The following TXNRD1 variants were observed in gnomAD, a reference collection of about 807,000 sequenced individuals.
The protein encoded by TXNRD1 is thioredoxin reductase 1, cytoplasmic.
Under a neutral mutation model 80.3 loss-of-function variants are expected in TXNRD1, and 57 were observed. That is an observed-to-expected ratio of 0.71 (90% CI 0.57 to 0.89). The LOEUF (loss-of-function observed/expected upper bound fraction) is 0.89, where lower values mean the gene tolerates loss of function less well. Among genes scored for constraint, TXNRD1 ranks in the 40% least tolerant of loss-of-function variants. The pLI is 0.00. For synonymous variants in TXNRD1, 291 were observed against 285.2 expected (o/e 1.02, Z -0.20); for missense variants, 730 against 803.0 (o/e 0.91, Z 1.10).
At chr12:104,249,658 A>G (rs942603269) in intron 1 of TXNRD1, among the ~76,000 whole-genome samples, 1 of 152,140 alleles carries the variant, frequency 6.6e-6, no homozygotes, top group Admixed American at 6.6e-5. Context: ...AAAGCTTGCC[A>G]GGCGCGGTGG....
intron 11 of TXNRD1, among the ~76,000 whole-genome samples, 172 bp from the exon 12 acceptor site, chr12:104,326,175 T>G (rs1210145379): frequency 6.6e-6 from 1 of 152,212 alleles, no homozygotes; most frequent in Non-Finnish European, 1.5e-5. Context: ...AAAGGATTTT[T>G]TTCTGAAGAT....
chr12:104,297,594 A>C (rs1039946777), intron 4 of TXNRD1, among the ~76,000 whole-genome samples: 1 of 151,924 alleles, frequency 6.6e-6, no homozygotes, highest in Non-Finnish European at 1.5e-5. Flanking sequence ...CGAACTCCTG[A>C]CCTCAGGTGA....
chr12:104,309,890 T>C, intron 4 of TXNRD1: 1 of 1,536,082 alleles, frequency 6.5e-7, no homozygotes, highest in Non-Finnish European at 8.7e-7. Context: ...CTGTTGCTGG[T>C]TTCCAGGTGT....
intron 3 of TXNRD1, among the ~76,000 whole-genome samples, chr12:104,264,532 T>G (rs2033434406): frequency 6.6e-6 from 1 of 152,200 alleles, no homozygotes; most frequent in Non-Finnish European, 1.5e-5. Flanking sequence ...TTTTTTAAAT[T>G]TGGAGACCAC....
At chr12:104,344,574 G>C (rs1411981366) in intron 16 of TXNRD1, among the ~76,000 whole-genome samples, 1 of 152,110 alleles carries the variant, frequency 6.6e-6, no homozygotes, top group Non-Finnish European at 1.5e-5. Flanking sequence ...CTCAAACATT[G>C]ACCATTTCTT....
chr12:104,324,130 A>G lies in TXNRD1; in HGVS notation c.1216-1207A>G, dbSNP rs1407441633. Among the ~76,000 whole-genome samples, 4 of 152,258 alleles carry G rather than the reference A, an allele frequency of 2.6e-5. No individual in the cohort carries two copies. In the East Asian group the frequency reaches 5.8e-4, roughly 22 times the overall value. Reference sequence around the variant, plus strand: ...AAAAGTGAATAAGGGTGGAGGTGGGATGAGGCCCTTATCATTTCCAAACAA... The same window carrying G: ...AAAAGTGAATAAGGGTGGAGGTGGGGTGAGGCCCTTATCATTTCCAAACAA... On this transcript the variant is annotated intron_variant, in intron 10 of 16. Coordinates refer to ENST00000525566, the MANE Select transcript of TXNRD1 (RefSeq NM_001093771.3).
chr12:104,301,252 T>C, intron 4 of TXNRD1, among the ~76,000 whole-genome samples: 1 of 152,214 alleles, frequency 6.6e-6, no homozygotes, highest in East Asian at 1.9e-4. Context: ...TGTCAGCCTA[T>C]TTTCCTTCCT....
chr12:104,249,241 G>A (rs2033059715), intron 1 of TXNRD1, among the ~76,000 whole-genome samples: 1 of 152,204 alleles, frequency 6.6e-6, no homozygotes, highest in Non-Finnish European at 1.5e-5. Context: ...GGTGGAAGGG[G>A]AGATGGGCTC....
intron 4 of TXNRD1, chr12:104,304,129 C>G: frequency 6.2e-7 from 1 of 1,614,042 alleles, no homozygotes; most frequent in African/African-American, 1.3e-5. Flanking sequence ...CGAACAACTC[C>G]TTAACCGAGG....
At chr12:104,265,955 T>TA (rs34365410) in intron 3 of TXNRD1, 4,476 of 443,648 alleles carry the variant, frequency 0.01, no homozygotes, top group Non-Finnish European at 0.013. Flanking sequence ...CACAAAATCT[T>TA]AAAAAAAAAA....
intron 14 of TXNRD1, among the ~76,000 whole-genome samples, chr12:104,332,606 A>G (rs1372906487): frequency 6.6e-6 from 1 of 151,910 alleles, no homozygotes; most frequent in African/African-American, 2.4e-5. Flanking sequence ...GAAATTAGCC[A>G]GGAGTGGTGG....
In TXNRD1 at chr12:104,286,650, C is replaced by T. The variant is rs570387254; in HGVS notation, c.305-2281C>T. Reference sequence around the variant, plus strand: ...CTCCACACCAATGACATCAGAATGTCTAGGGGTGGGAGCCAGGCACCAGGA... The same window carrying T: ...CTCCACACCAATGACATCAGAATGTTTAGGGGTGGGAGCCAGGCACCAGGA... On this transcript the variant is annotated intron_variant, in intron 3 of 16. Transcript: ENST00000525566. The T allele has an allele frequency of 9.6e-5, 81 of 844,314 alleles. 1 individual carries two copies. In the East Asian group the frequency reaches 7.1e-3, roughly 74 times the overall value. 52.3% of individuals were successfully genotyped at this position (844,314 alleles called of 1,614,324 possible).
At chr12:104,271,157 G>C (rs2033643460) in intron 3 of TXNRD1, among the ~76,000 whole-genome samples, 2 of 151,660 alleles carry the variant, frequency 1.3e-5, no homozygotes, top group African/African-American at 4.8e-5. Context: ...GTCAGCAAAG[G>C]GTGGTGGGAT....
intron 1 of TXNRD1, among the ~76,000 whole-genome samples, chr12:104,241,898 T>G (rs1290330523): frequency 1.3e-5 from 2 of 151,710 alleles, no homozygotes. Context: ...TTTAACATTT[T>G]ATTTTTTCAT....
chr12:104,267,687 TTCTTTCTTTCTTTCTC>T (rs1195848214), intron 3 of TXNRD1, among the ~76,000 whole-genome samples: 585 of 35,096 alleles, frequency 0.017, 7 homozygotes, highest in Non-Finnish European at 0.033. Context: ...CTTTCTTTCT[TTCTTTCTTTCTTTCTC>T]TCTTTCTTTC....
At chr12:104,267,179 A>T (rs59159482) in intron 3 of TXNRD1, among the ~76,000 whole-genome samples, 54,301 of 139,938 alleles carry the variant, frequency 0.39, 11,414 homozygotes, top group East Asian at 0.67. Flanking sequence ...AAAAAAAAAA[A>T]ATAATATAAT....
rs200037001 is a variant in TXNRD1 at position 104,288,936 on chromosome 12, G to T, written c.310G>T (p.Gly104Cys). 4 of 1,613,926 alleles carry T rather than the reference G, an allele frequency of 2.5e-6. No individual in the cohort carries two copies. Among genetic ancestry groups the T allele is most frequent in the African/African-American group, 1.3e-5 (1 of 74,942 alleles). The change falls in exon 4 of 17, where the codon GGT (glycine) becomes TGT (cysteine). Residue 104 changes from glycine to cysteine, a missense_variant. Physicochemically the swap from Gly to Cys is radical, Grantham distance 159. Transcript: ENST00000525566. Reference protein sequence around the residue: ...FVLELDQTEDGRALEGTLSEL... With the variant: ...FVLELDQTEDCRALEGTLSEL... ...TCTGCTTTTGTGCCACACAGAGGAC[G>T]GTCGGGCCCTGGAAGGAACGCTCTC...
Position 104,217,612 on chromosome 12 carries a change from C to A in TXNRD1, c.91+1719C>A, listed in dbSNP as rs186098420. Reference sequence around the variant, plus strand: ...GGCATGAGCCACTGCACCCAGCTGACCCTAACCGTTTTTAAGTATACAGTT... The same window carrying A: ...GGCATGAGCCACTGCACCCAGCTGAACCTAACCGTTTTTAAGTATACAGTT... On this transcript the variant is annotated intron_variant, in intron 1 of 16. Coordinates refer to ENST00000525566, the MANE Select transcript of TXNRD1 (RefSeq NM_001093771.3). 1.9e-3 allele frequency among the ~76,000 whole-genome samples: 286 copies of A among 152,208 alleles called. 3 individuals carry two copies. The highest frequency in any genetic ancestry group is 3.9e-4 in the East Asian group (2 of 5,178).
At chr12:104,347,634 A>G (rs2036536149) in intron 16 of TXNRD1, among the ~76,000 whole-genome samples, 1 of 152,214 alleles carries the variant, frequency 6.6e-6, no homozygotes, top group Non-Finnish European at 1.5e-5. Context: ...ACAGCATCGT[A>G]TTGCAAAGAG....
Sources: gnomAD v4.1 joint callset for allele counts (sites outside exome capture counted in the v4.1 genomes callset) on GRCh38, gnomAD v4.1.1 for gene constraint, MANE v1.5 for transcripts, NCBI Gene and HGNC (gene_info 2026-07-23, HGNC 2026-07-21) for gene names.